CEACAM7: variants seen among roughly 807,000 people sequenced by gnomAD.
The protein encoded by CEACAM7 is CEA cell adhesion molecule 7, also known as cell adhesion molecule CEACAM7.
CEACAM7 carries 24 observed loss-of-function variants against 25.7 expected under a neutral mutation model. That is an observed-to-expected ratio of 0.93 (90% CI 0.68 to 1.31). CEACAM7 has a LOEUF of 1.31. CEACAM7 is among the 40% of genes most tolerant of loss of function. The pLI, the probability that CEACAM7 is intolerant of heterozygous loss-of-function variation, is 0.00. For missense variants in CEACAM7, 324 were observed against 330.1 expected (o/e 0.98, Z 0.14); for synonymous variants, 144 against 129.4 (o/e 1.11, Z -0.77).
At chr19:41,677,607 AG>A in intron 3 of CEACAM7, 104 bp from the exon 4 acceptor site, 1 of 742,690 alleles carries the variant, frequency 1.3e-6, no homozygotes, top group Non-Finnish European at 2.3e-6. Flanking sequence ...TGTTCCTTCA[AG>A]GAATACATTA....
chr19:41,686,770 G>T, intron 2 of CEACAM7, 89 bp downstream of exon 2: 1 of 1,383,326 alleles, frequency 7.2e-7, no homozygotes, highest in South Asian at 1.6e-5. Context: ...ATGTAGATGG[G>T]GACACAGGCA....
intron 3 of CEACAM7, among the ~76,000 whole-genome samples, chr19:41,680,259 A>G (rs1555810559): frequency 6.6e-6 from 1 of 152,094 alleles, no homozygotes; most frequent in Non-Finnish European, 1.5e-5. Context: ...TTGTAAGCTG[A>G]AAATTATAAA....
At chr19:41,687,721 T>C (rs541139537) in intron 1 of CEACAM7, among the ~76,000 whole-genome samples, 21 of 150,838 alleles carry the variant, frequency 1.4e-4, no homozygotes, top group Non-Finnish European at 2.9e-4. Context: ...GATGAGTTCA[T>C]GAGAGTTCCC....
rs782049918 is a variant in CEACAM7, at chr19:41,687,178, G to T, written c.108C>A (p.Thr36=). Residue 36 remains threonine (T), a synonymous_variant, in exon 2 of 5, where the codon ACC becomes ACA. Coordinates refer to ENST00000401731, the MANE Select transcript of CEACAM7 (RefSeq NM_001291485.2). The part of the protein sequence containing the change: ...TFWNLPNSAQ[T]NIDVVPFNVA... ...CATTGAACGGCACGACATCAATATTGGTCTGGGCACTGTTTGGCAGGTTCC... is the reference window on the plus strand; with the variant it reads ...CATTGAACGGCACGACATCAATATTTGTCTGGGCACTGTTTGGCAGGTTCC... The T allele has an allele frequency of 1.9e-6, 3 of 1,613,060 alleles. No homozygotes were observed. The highest frequency in any genetic ancestry group is 2.5e-6 in the Non-Finnish European group (3 of 1,179,400).
chr19:41,676,037 T>C (rs2072110772), intron 4 of CEACAM7, among the ~76,000 whole-genome samples: 1 of 152,198 alleles, frequency 6.6e-6, no homozygotes. Flanking sequence ...GCCAACAATG[T>C]ATAAGCTTAT....
intron 3 of CEACAM7, among the ~76,000 whole-genome samples, chr19:41,682,653 G>A (rs1274094994): frequency 2.6e-5 from 4 of 152,198 alleles, no homozygotes; most frequent in African/African-American, 9.6e-5. Context: ...GGCAGGGCCA[G>A]TCACCAGGTG....
chr19:41,677,328 AG>A, intron 4 of CEACAM7, 47 bp downstream of exon 4: 1 of 993,960 alleles, frequency 1.0e-6, no homozygotes, highest in Non-Finnish European at 1.6e-6. Context: ...CAAGCATGGC[AG>A]TCAGCCCTGC....
Position 41,681,257 on chromosome 19 carries a change from G to GA in CEACAM7, c.706+2527dup, listed in dbSNP as rs199995521. ...CATGTTAGGATGGCTTTGATTTAAA[G>GA]AAAAAAAAGAAAACACAAAACATGT... On this transcript the variant is annotated intron_variant, in intron 3 of 4. Transcript: ENST00000401731. Among the ~76,000 whole-genome samples, 1,061 of 151,732 alleles carry GA rather than the reference G, an allele frequency of 7.0e-3. 21 individuals are homozygous for GA. The highest frequency in any genetic ancestry group is 0.024 in the African/African-American group (997 of 41,364).
chr19:41,679,968 A>AT (rs35163344), intron 3 of CEACAM7, among the ~76,000 whole-genome samples: 1,356 of 68,852 alleles, frequency 0.02, 81 homozygotes, highest in African/African-American at 0.032. Context: ...CACCTGGCTA[A>AT]TTTTTTTTTT....
chr19:41,686,424 C>G (rs1300661128), intron 2 of CEACAM7, among the ~76,000 whole-genome samples: 2 of 152,160 alleles, frequency 1.3e-5, no homozygotes, highest in Admixed American at 6.5e-5. Flanking sequence ...AGGCCACAAC[C>G]CAGCCCTGAC....
Position 41,684,899 on chromosome 19 carries a change from C to T in CEACAM7, c.428-836G>A, listed in dbSNP as rs566571859. 1.5e-4 allele frequency among the ~76,000 whole-genome samples: 23 copies of T among 152,334 alleles called. No individual in the cohort carries two copies. In the South Asian group the frequency reaches 2.3e-3, roughly 15 times the overall value. On this transcript the variant is annotated intron_variant, in intron 2 of 4. Transcript: ENST00000401731. ...GCTTTCTTCCTTTTCTCTCGACCTA[C>T]GGAAACACAACAAGAGTTTGATCAA...
chr19:41,678,948 A>G (rs1162220967), intron 3 of CEACAM7, among the ~76,000 whole-genome samples: 2 of 152,274 alleles, frequency 1.3e-5, no homozygotes, highest in African/African-American at 4.8e-5. Flanking sequence ...TCTGAAATCA[A>G]CAACCTGGCT....
chr19:41,686,920 GGTA>G lies in CEACAM7; in HGVS notation c.363_365del (p.Thr122del). ...CAAGATTTTCTTTTATAACGTGTAG[GGTA>G]TAGATTCCTGCGTCATTGTGGGTGA... is the stretch of plus-strand genomic sequence containing the variant. On this transcript the variant is annotated inframe_deletion, in exon 2 of 5. Transcript: ENST00000401731. 6.4e-7 allele frequency: 1 copy of G among 1,574,520 alleles called. No individual in the cohort carries two copies.
At chr19:41,677,334 C>T in intron 4 of CEACAM7, 42 bp downstream of exon 4, 1 of 1,071,680 alleles carries the variant, frequency 9.3e-7, no homozygotes, top group Non-Finnish European at 1.4e-6. Context: ...TGGCAGTCAG[C>T]CCTGCAGGAA....
Position 41,687,003 on chromosome 19 carries a change from CG to C in CEACAM7, c.282del (p.Ala95HisfsTer15). The C allele has an allele frequency of 6.2e-7, 1 of 1,613,510 alleles. No homozygotes were observed. The highest frequency in any genetic ancestry group is 1.3e-5 in the African/African-American group (1 of 74,952). ...TATATTGTCTCTCGACCGTTGTGTG[CG>C]GGCCCTGGGGCATTTTCTTGACTTA... ...KNISQENAPGPAHNGRETIYP... is the reference protein window; with the variant it reads ...KNISQENAPGXAHNGRETIYP... On this transcript the variant is annotated frameshift_variant, in exon 2 of 5. Transcript: ENST00000401731. LOFTEE classifies it high-confidence loss of function.
intron 2 of CEACAM7, 51 bp from the exon 3 acceptor site, chr19:41,684,114 C>G (rs782363355): frequency 3.4e-5 from 54 of 1,585,824 alleles, no homozygotes; most frequent in Non-Finnish European, 4.6e-5. Context: ...CCTTGGTTCC[C>G]CCACGGACAT....
In CEACAM7 at chr19:41,684,673, CAGA is replaced by C. The variant is rs1258720049; in HGVS notation, c.428-613_428-611del. Among the ~76,000 whole-genome samples, 8 of 152,160 alleles carry C rather than the reference CAGA, an allele frequency of 5.3e-5. No homozygotes were observed. The East Asian group carries it at 9.6e-4, about 18-fold the overall frequency. On this transcript the variant is annotated intron_variant, in intron 2 of 4. Coordinates refer to ENST00000401731, the MANE Select transcript of CEACAM7 (RefSeq NM_001291485.2). ...ACCGCCAGGAAAGTGCAGCAGAGTC[CAGA>C]AGAAGATAGAGAAAGGGTGAGTGAG...
At chr19:41,678,913 TAC>T in intron 3 of CEACAM7, among the ~76,000 whole-genome samples, 1 of 152,270 alleles carries the variant, frequency 6.6e-6, no homozygotes, top group East Asian at 1.9e-4. Context: ...TAACTATAAA[TAC>T]ATACATTTAA....
chr19:41,678,159 T>C (rs1277848001), intron 3 of CEACAM7, among the ~76,000 whole-genome samples: 1 of 152,144 alleles, frequency 6.6e-6, no homozygotes, highest in African/African-American at 2.4e-5. Context: ...CAAAATTATA[T>C]TGCATGTCTA....
Sources: gnomAD v4.1 joint callset for allele counts (sites outside exome capture counted in the v4.1 genomes callset) on GRCh38, gnomAD v4.1.1 for gene constraint, MANE v1.5 for transcripts, NCBI Gene and HGNC (gene_info 2026-07-23, HGNC 2026-07-21) for gene names.